Variants in PRKAR1B observed in about 807,000 individuals in gnomAD.
The protein encoded by PRKAR1B is cAMP-dependent protein kinase type I-beta regulatory subunit.
Under a neutral mutation model 46.5 loss-of-function variants are expected in PRKAR1B, and 22 were observed. The observed-to-expected ratio is 0.47, with a 90% CI of 0.34 to 0.68. The LOEUF (loss-of-function observed/expected upper bound fraction) is 0.68, where lower values mean the gene tolerates loss of function less well. PRKAR1B is among the 30% of genes least tolerant of loss of function. The pLI is 0.01. For synonymous variants in PRKAR1B, 259 were observed against 217.7 expected (o/e 1.19, Z -1.67); for missense variants, 445 against 535.6 (o/e 0.83, Z 1.67).
chr7:657,059 G>A (rs1008633256), intron 4 of PRKAR1B, among the ~76,000 whole-genome samples: 4 of 152,116 alleles, frequency 2.6e-5, no homozygotes, highest in Non-Finnish European at 5.9e-5. Flanking sequence ...ATGGATGCAT[G>A]AGTGAATGCA....
chr7:625,919 A>T (rs149399506), intron 4 of PRKAR1B, among the ~76,000 whole-genome samples: 12,102 of 151,620 alleles, frequency 0.08, 693 homozygotes, highest in East Asian at 0.19. Flanking sequence ...GAGGCAGAAG[A>T]ATCACTTGAA....
chr7:600,107 T>C lies in PRKAR1B; in HGVS notation c.550-3803A>G, dbSNP rs9771302. ...TTCAGTTTAAGAAGACAAGAACATT[T>C]GGGAAATGGACAGTGGTGACGGTTG... On this transcript the variant is annotated intron_variant, in intron 6 of 10. Transcript: ENST00000537384. Among the ~76,000 whole-genome samples, 1,139 of 143,172 alleles carry C rather than the reference T, an allele frequency of 8.0e-3. 49 individuals are homozygous for C. Among genetic ancestry groups the C allele is most frequent in the African/African-American group, 0.033 (1,082 of 33,030 alleles). 93.9% of individuals were successfully genotyped at this position (143,172 alleles called of 152,430 possible).
intron 2 of PRKAR1B, among the ~76,000 whole-genome samples, chr7:693,091 C>T (rs541597926): frequency 6.6e-6 from 1 of 152,060 alleles, no homozygotes; most frequent in Admixed American, 6.5e-5. Flanking sequence ...CCCACCACCA[C>T]ACCCAGCTAA....
At chr7:641,484 G>A (rs1428451723) in intron 4 of PRKAR1B, among the ~76,000 whole-genome samples, 3 of 152,124 alleles carry the variant, frequency 2.0e-5, no homozygotes, top group East Asian at 1.9e-4. Flanking sequence ...GCTCCAAAGC[G>A]AAAACAACCC....
chr7:652,942 C>A (rs1784989617), intron 4 of PRKAR1B, among the ~76,000 whole-genome samples: 1 of 152,228 alleles, frequency 6.6e-6, no homozygotes, highest in East Asian at 1.9e-4. Context: ...GATTTCCACA[C>A]AGGGTGGTTG....
intron 2 of PRKAR1B, among the ~76,000 whole-genome samples, chr7:693,879 T>G (rs1452309202): frequency 6.6e-6 from 1 of 152,220 alleles, no homozygotes; most frequent in Non-Finnish European, 1.5e-5. Flanking sequence ...GCACAAGGGT[T>G]CCATGTCCCC....
chr7:577,890 C>T (rs1370799312), intron 9 of PRKAR1B, among the ~76,000 whole-genome samples: 2 of 152,220 alleles, frequency 1.3e-5, no homozygotes, highest in Non-Finnish European at 2.9e-5. Flanking sequence ...CTAGGCAGTG[C>T]GCTGAGGGTA....
intron 3 of PRKAR1B, 25 bp from the exon 4 acceptor site, chr7:677,345 G>T (rs199988540): frequency 6.2e-7 from 1 of 1,606,484 alleles, no homozygotes; most frequent in South Asian, 1.1e-5. Flanking sequence ...ACACATCACC[G>T]TGTGAGCCAC....
In PRKAR1B at chr7:605,735, G is replaced by A. The variant is rs886556403; in HGVS notation, c.549+458C>T. On this transcript the variant is annotated intron_variant, in intron 6 of 10. Transcript: ENST00000537384. ...GGACGTTCCAAGCTGGGAGCCAAACGCAGGCGCAAAAGGCAGCCGTTGTTT... is the reference window on the plus strand; with the variant it reads ...GGACGTTCCAAGCTGGGAGCCAAACACAGGCGCAAAAGGCAGCCGTTGTTT... 4.6e-5 allele frequency among the ~76,000 whole-genome samples: 7 copies of A among 152,262 alleles called. No individual in the cohort carries two copies. The South Asian group carries it at 6.2e-4, about 14-fold the overall frequency.
chr7:552,985 G>A (rs1784343975), intron 9 of PRKAR1B, among the ~76,000 whole-genome samples: 3 of 152,252 alleles, frequency 2.0e-5, no homozygotes, highest in African/African-American at 4.8e-5. Context: ...ACAGGGCACC[G>A]CCGCAGCACG....
At position 550,643 on chromosome 7, in the gene PRKAR1B, CCTGA is replaced by C. The variant is rs1784124166; in HGVS notation, c.974-45_974-42del. On this transcript the variant is annotated intron_variant, in intron 10 of 10. Transcript: ENST00000537384. Reference sequence around the variant, plus strand: ...AGAGGTCAGGGCTGGGCCTGGGGGTCCTGAGGCTGCAGCAGGGAAAGATTATGTC... The same window carrying C: ...AGAGGTCAGGGCTGGGCCTGGGGGTCGGCTGCAGCAGGGAAAGATTATGTC... 6 of 1,480,854 alleles carry C rather than the reference CCTGA, an allele frequency of 4.1e-6. No homozygotes were observed. The African/African-American group carries it at 4.2e-5, about 10-fold the overall frequency. The allele number at this position is 1,480,854 out of a possible 1,614,324, so 91.7% of individuals were successfully genotyped here.
At chr7:715,759 A>G (rs1780850348) in intron 1 of PRKAR1B, among the ~76,000 whole-genome samples, 1 of 151,812 alleles carries the variant, frequency 6.6e-6, no homozygotes, top group Non-Finnish European at 1.5e-5. Context: ...TCTGTCACCC[A>G]GGCTGCAGTG....
chr7:609,466 C>T (rs561469562), intron 4 of PRKAR1B, among the ~76,000 whole-genome samples: 1 of 152,122 alleles, frequency 6.6e-6, no homozygotes. Flanking sequence ...ATCACAGCTG[C>T]GGCTCCAGCC....
chr7:615,972 AAGAGAGAAAGAGGG>A (rs1448564610), intron 4 of PRKAR1B, among the ~76,000 whole-genome samples: 5 of 149,350 alleles, frequency 3.3e-5, no homozygotes, highest in Non-Finnish European at 7.4e-5. Flanking sequence ...AAGAAACAGA[AAGAGAGAAAGAGGG>A]AGAGAGAAAG....
chr7:696,079 C>G (rs1272418871), intron 2 of PRKAR1B, among the ~76,000 whole-genome samples: 1 of 151,436 alleles, frequency 6.6e-6, no homozygotes, highest in Non-Finnish European at 1.5e-5. Context: ...AGCAATCCCT[C>G]CATCTCAGCC....
chr7:596,709 C>T (rs1355243567), intron 6 of PRKAR1B, among the ~76,000 whole-genome samples: 1 of 152,270 alleles, frequency 6.6e-6, no homozygotes, highest in Non-Finnish European at 1.5e-5. Context: ...CTAGCTGCAC[C>T]GTGATGAGCT....
intron 4 of PRKAR1B, among the ~76,000 whole-genome samples, chr7:653,177 C>T (rs567599695): frequency 2.6e-5 from 4 of 152,330 alleles, no homozygotes; most frequent in South Asian, 4.1e-4. Flanking sequence ...CCAGAGCCAA[C>T]GCAGAAGGAA....
rs189066947 is a variant in PRKAR1B, at chr7:576,347, C to A, written c.891+2909G>T. On this transcript the variant is annotated intron_variant, in intron 9 of 10. Transcript: ENST00000537384. ...TCACTTGGGCTGCCTGTGGTTTCAT[C>A]CTTTCCCTCCTCCTTCTCTCCTTTT... Among the ~76,000 whole-genome samples the A allele has an allele frequency of 1.7e-3, 266 of 152,326 alleles. 1 individual carries two copies. Among genetic ancestry groups the A allele is most frequent in the Non-Finnish European group, 3.0e-3 (204 of 68,034 alleles).
intron 9 of PRKAR1B, among the ~76,000 whole-genome samples, chr7:578,155 A>G (rs1180063673): frequency 6.6e-6 from 1 of 152,196 alleles, no homozygotes; most frequent in Non-Finnish European, 1.5e-5. Flanking sequence ...AATTAGGTCC[A>G]GTGTCCCAGC....
Sources: allele counts gnomAD v4.1 joint callset (sites outside exome capture counted in the v4.1 genomes callset), GRCh38; gene constraint gnomAD v4.1.1; transcripts MANE v1.5; gene names NCBI Gene and HGNC (gene_info 2026-07-23, HGNC 2026-07-21).